Variants in PCDH15 observed in about 807,000 individuals in gnomAD.
PCDH15 encodes the protein protocadherin related 15, also known as protocadherin-15.
PCDH15 carries 129 observed loss-of-function variants against 178.5 expected under a neutral mutation model. That is an observed-to-expected ratio of 0.72 (90% CI 0.63 to 0.84). The LOEUF (loss-of-function observed/expected upper bound fraction) is 0.84, where lower values mean the gene tolerates loss of function less well. PCDH15 is among the 40% of genes least tolerant of loss of function. The pLI is 0.00. For missense variants in PCDH15, 2,230 were observed against 2,099.9 expected (o/e 1.06, Z -1.21); for synonymous variants, 800 against 732.0 (o/e 1.09, Z -1.50).
upstream of PCDH15, among the ~76,000 whole-genome samples, chr10:55,320,796 C>T (rs1843875884): frequency 6.6e-6 from 1 of 152,108 alleles, no homozygotes; most frequent in Non-Finnish European, 1.5e-5. Flanking sequence ...GAAAGCAATG[C>T]CAAAGACTGA....
At chr10:54,368,976 T>C in intron 5 of PCDH15, 144 bp downstream of exon 5, 1 of 858,780 alleles carries the variant, frequency 1.2e-6, no homozygotes, top group South Asian at 1.6e-5. Flanking sequence ...ATACTTCTTC[T>C]GAGTACTATT....
chr10:53,964,692 T>C (rs2088804125), intron 21 of PCDH15, among the ~76,000 whole-genome samples: 1 of 152,092 alleles, frequency 6.6e-6, no homozygotes, highest in South Asian at 2.1e-4. Flanking sequence ...AATATTTTTA[T>C]ATAAACCACT....
chr10:54,940,799 T>TAA (rs34669006), intron 2 of PCDH15, among the ~76,000 whole-genome samples: 14 of 151,062 alleles, frequency 9.3e-5, no homozygotes, highest in Non-Finnish European at 1.3e-4. Flanking sequence ...CTGCGGTAAT[T>TAA]AAAAAAAAAC....
intron 6 of PCDH15, among the ~76,000 whole-genome samples, chr10:54,344,881 A>T (rs910089314): frequency 1.5e-5 from 2 of 133,462 alleles, no homozygotes; most frequent in African/African-American, 5.8e-5. Flanking sequence ...CCTAAAAAAA[A>T]GTCCTCTTTT....
At chr10:54,514,608 G>A (rs1447759282) in intron 3 of PCDH15, among the ~76,000 whole-genome samples, 1 of 144,114 alleles carries the variant, frequency 6.9e-6, no homozygotes, top group Non-Finnish European at 1.5e-5. Context: ...CTGGAATTTT[G>A]AAATTGGCTG....
intron 32 of PCDH15, among the ~76,000 whole-genome samples, chr10:53,825,800 A>ATAAT (rs1281311094): frequency 4.0e-5 from 6 of 151,500 alleles, no homozygotes; most frequent in African/African-American, 1.4e-4. Flanking sequence ...TAAAGATAAG[A>ATAAT]TAATTAAATA....
intron 20 of PCDH15, among the ~76,000 whole-genome samples, chr10:53,998,792 C>G (rs923810542): frequency 6.6e-6 from 1 of 151,904 alleles, no homozygotes; most frequent in Non-Finnish European, 1.5e-5. Context: ...TGGCTCGCAT[C>G]TGTAATTCCA....
At chr10:54,853,972 G>A (rs1174780239) in intron 3 of PCDH15, among the ~76,000 whole-genome samples, 1 of 152,204 alleles carries the variant, frequency 6.6e-6, no homozygotes, top group African/African-American at 2.4e-5. Flanking sequence ...ACTTGGCCTG[G>A]CAGGCTGTGC....
At chr10:54,727,592 A>G (rs1566056269) in intron 1 of PCDH15, among the ~76,000 whole-genome samples, 2 of 151,382 alleles carry the variant, frequency 1.3e-5, no homozygotes, top group Non-Finnish European at 3.0e-5. Context: ...AATAACCAAA[A>G]TCAGACCTGA....
intron 2 of PCDH15, among the ~76,000 whole-genome samples, chr10:55,528,739 C>A (rs904563564): frequency 1.3e-5 from 2 of 152,082 alleles, no homozygotes; most frequent in Admixed American, 1.3e-4. Flanking sequence ...TGGGTATATA[C>A]CCAGTATTGA....
chr10:55,003,773 C>G (rs1171957157), intron 2 of PCDH15, among the ~76,000 whole-genome samples: 1 of 149,358 alleles, frequency 6.7e-6, no homozygotes, highest in Non-Finnish European at 1.5e-5. Flanking sequence ...GATGAGACCC[C>G]CTTAGAAGGA....
intron 1 of PCDH15, among the ~76,000 whole-genome samples, chr10:54,667,633 A>G (rs1299807354): frequency 1.3e-5 from 2 of 152,056 alleles, no homozygotes; most frequent in East Asian, 1.9e-4. Flanking sequence ...CAACACCTCT[A>G]TGGTGGTACT....
intron 3 of PCDH15, among the ~76,000 whole-genome samples, chr10:54,814,885 T>G (rs1952923407): frequency 6.6e-6 from 1 of 152,172 alleles, no homozygotes; most frequent in Non-Finnish European, 1.5e-5. Flanking sequence ...TGAGGCTATT[T>G]TATTTCTTGA....
intron 6 of PCDH15, among the ~76,000 whole-genome samples, chr10:54,344,904 C>CAAAAAAAAAAAAAAAAAAAAAA (rs57295345): frequency 1.3e-5 from 1 of 78,886 alleles, no homozygotes; most frequent in Non-Finnish European, 2.3e-5. Context: ...AGAAACAAAG[C>CAAAAAAAAAAAAAAAAAAAAAA]AAAAAAAAAA....
At chr10:54,790,096 A>T (rs756706372) in intron 1 of PCDH15, among the ~76,000 whole-genome samples, 214 of 151,902 alleles carry the variant, frequency 1.4e-3, no homozygotes, top group Admixed American at 3.5e-3. Flanking sequence ...CAATTTTCCC[A>T]TAAGACTTCT....
At chr10:54,127,406 C>T (rs1208901625) in intron 15 of PCDH15, among the ~76,000 whole-genome samples, 2 of 152,184 alleles carry the variant, frequency 1.3e-5, no homozygotes, top group East Asian at 3.9e-4. Flanking sequence ...CAATCAGGCA[C>T]ACACTCACTG....
At chr10:54,035,119 G>A (rs1446979832) in intron 18 of PCDH15, among the ~76,000 whole-genome samples, 2 of 151,816 alleles carry the variant, frequency 1.3e-5, no homozygotes, top group African/African-American at 2.4e-5. Context: ...TCAATGACAT[G>A]TTATTTATGG....
intron 2 of PCDH15, among the ~76,000 whole-genome samples, chr10:55,464,940 CA>C (rs1565167411): frequency 2.1e-5 from 3 of 144,744 alleles, no homozygotes; most frequent in African/African-American, 7.6e-5. Context: ...CAAACAACAA[CA>C]AAAAAACAGT....
chr10:54,589,495 A>AT (rs1189452690), intron 2 of PCDH15, among the ~76,000 whole-genome samples: 25 of 152,132 alleles, frequency 1.6e-4, no homozygotes, highest in African/African-American at 5.6e-4. Flanking sequence ...ACCTGTTGGC[A>AT]TATTATATGA....
Sources: allele counts gnomAD v4.1 joint callset (sites outside exome capture counted in the v4.1 genomes callset), GRCh38; gene constraint gnomAD v4.1.1; transcripts MANE v1.5; gene names NCBI Gene and HGNC (gene_info 2026-07-23, HGNC 2026-07-21).